DEPDC4: variants seen among roughly 807,000 people sequenced by gnomAD.
The protein encoded by DEPDC4 is DEP domain containing 4.
A neutral mutation model predicts 52.0 loss-of-function variants in DEPDC4; 52 were observed. That is an observed-to-expected ratio of 1.00 (90% CI 0.80 to 1.26). The LOEUF (loss-of-function observed/expected upper bound fraction) is 1.26. Among genes scored for constraint, DEPDC4 ranks in the 50% most tolerant of loss-of-function variants. The pLI is 0.00. For synonymous variants in DEPDC4, 201 were observed against 196.8 expected (o/e 1.02, Z -0.18); for missense variants, 530 against 546.9 (o/e 0.97, Z 0.31).
chr12:100,268,876 C>T (rs2135778115), upstream of DEPDC4, among the ~76,000 whole-genome samples: 1 of 152,328 alleles, frequency 6.6e-6, no homozygotes, highest in Non-Finnish European at 1.5e-5. Context: ...TGTCGTGCTT[C>T]ATACTCAGCC....
chr12:100,263,387 T>TC, intron 2 of DEPDC4, 110 bp downstream of exon 2: 1 of 908,750 alleles, frequency 1.1e-6, no homozygotes, highest in Admixed American at 3.3e-5. Flanking sequence ...CACATGGATT[T>TC]TTTTTTTTAA....
intron 8 of DEPDC4, among the ~76,000 whole-genome samples, chr12:100,245,369 C>A (rs1238887384): frequency 6.6e-6 from 1 of 152,114 alleles, no homozygotes; most frequent in Non-Finnish European, 1.5e-5. Flanking sequence ...CGGGTTCAAG[C>A]AATTCTCATG....
chr12:100,253,875 T>C (rs2096219760), intron 4 of DEPDC4, among the ~76,000 whole-genome samples, 160 bp from the exon 5 acceptor site: 2 of 152,190 alleles, frequency 1.3e-5, no homozygotes, highest in South Asian at 4.1e-4. Context: ...TTTTGCTGGA[T>C]GAGTGAAGGA....
intron 3 of DEPDC4, 83 bp from the exon 4 acceptor site, chr12:100,256,309 T>G (rs1378035208): frequency 1.9e-6 from 2 of 1,035,826 alleles, no homozygotes; most frequent in Non-Finnish European, 2.8e-6. Flanking sequence ...GTTCTATTTC[T>G]AAATAATACA....
At chr12:100,270,864 C>G (rs1383447841), upstream of DEPDC4, among the ~76,000 whole-genome samples, 1 of 151,360 alleles carries the variant, frequency 6.6e-6, no homozygotes, top group African/African-American at 2.4e-5. Context: ...TGTTTCTCCC[C>G]CTGCATTTAG....
intron 9 of DEPDC4, among the ~76,000 whole-genome samples, chr12:100,232,718 T>C (rs2096136418): frequency 6.6e-6 from 1 of 152,012 alleles, no homozygotes; most frequent in Admixed American, 6.6e-5. Flanking sequence ...ACCCCATCTC[T>C]ACTAAAAATA....
At chr12:100,238,288 C>G (rs1461986785), downstream of DEPDC4, among the ~76,000 whole-genome samples, 2 of 151,712 alleles carry the variant, frequency 1.3e-5, no homozygotes, top group Non-Finnish European at 2.9e-5. Context: ...CTGCCTCAGC[C>G]TCCCAAGTAG....
At chr12:100,273,471 C>A in the DEPDC4 span, among the ~76,000 whole-genome samples, 1 of 152,012 alleles carries the variant, frequency 6.6e-6, no homozygotes, top group African/African-American at 2.4e-5. Flanking sequence ...TTTTCATTTA[C>A]TTCCTTCCCA....
intron 7 of DEPDC4, among the ~76,000 whole-genome samples, chr12:100,250,304 C>T (rs1043192444): frequency 6.6e-6 from 1 of 152,180 alleles, no homozygotes; most frequent in Admixed American, 6.5e-5. Flanking sequence ...CAGCCTCCGC[C>T]TCCCGGGTTC....
chr12:100,253,710 T>C lies in DEPDC4; in HGVS notation c.884A>G (p.Asp295Gly). ...TTCAATTGCTGCATTAAGCCAGTTATCGATTCTAGAGGGAAAATGCAAACC... is the reference window on the plus strand; with the variant it reads ...TTCAATTGCTGCATTAAGCCAGTTACCGATTCTAGAGGGAAAATGCAAACC... ...LIPSLCLPEI[D>G]NWLNAAIECL... The change falls in exon 5 of 10, where the codon GAT becomes GGT. Residue 295 changes from aspartate (D) to glycine (G), a missense_variant. Asp to Gly is a moderately conservative substitution (Grantham distance 94). Coordinates refer to ENST00000550587, the MANE Select transcript of DEPDC4 (RefSeq NM_001364818.2). The C allele has an allele frequency of 7.8e-7, 1 of 1,287,384 alleles. No homozygotes were observed. Among genetic ancestry groups the C allele is most frequent in the Non-Finnish European group, 1.0e-6 (1 of 987,474 alleles). 79.7% of individuals were successfully genotyped at this position (1,287,384 alleles called of 1,614,324 possible).
intron 7 of DEPDC4, among the ~76,000 whole-genome samples, chr12:100,251,508 A>G (rs1197825822): frequency 2.0e-5 from 3 of 151,764 alleles, no homozygotes; most frequent in Non-Finnish European, 4.4e-5. Flanking sequence ...CATGGGCTCA[A>G]CTGACCCTCC....
At chr12:100,261,050 G>A (rs1035423631) in intron 3 of DEPDC4, among the ~76,000 whole-genome samples, 7 of 147,310 alleles carry the variant, frequency 4.8e-5, no homozygotes, top group Admixed American at 1.3e-4. Context: ...GTGTGGTGGC[G>A]GGCGCCTATA....
At chr12:100,260,868 C>A (rs539095001) in intron 3 of DEPDC4, among the ~76,000 whole-genome samples, 1 of 150,844 alleles carries the variant, frequency 6.6e-6, no homozygotes, top group South Asian at 2.1e-4. Flanking sequence ...TGCACTTCTG[C>A]CTGGGCGAAA....
chr12:100,279,884 G>C, the DEPDC4 span, among the ~76,000 whole-genome samples: 3 of 152,242 alleles, frequency 2.0e-5, no homozygotes, highest in East Asian at 3.9e-4. Flanking sequence ...CCAGGGAACA[G>C]AGCATGAAGG....
chr12:100,269,557 A>G (rs1192724755), upstream of DEPDC4, among the ~76,000 whole-genome samples: 2 of 152,178 alleles, frequency 1.3e-5, no homozygotes, highest in African/African-American at 4.8e-5. Flanking sequence ...CAAGAATTGT[A>G]CTAAACATTT....
the DEPDC4 span, among the ~76,000 whole-genome samples, chr12:100,281,570 A>C: frequency 1.3e-5 from 2 of 152,156 alleles, no homozygotes; most frequent in African/African-American, 4.8e-5. Context: ...GCTTTGGCTC[A>C]CGCCTGTAAT....
chr12:100,262,640 C>A (rs1670555838), intron 2 of DEPDC4, among the ~76,000 whole-genome samples: 1 of 152,150 alleles, frequency 6.6e-6, no homozygotes, highest in African/African-American at 2.4e-5. Flanking sequence ...CTAAGGTTAA[C>A]ATAGTTGTTA....
intron 7 of DEPDC4, among the ~76,000 whole-genome samples, chr12:100,250,581 GA>G: frequency 6.6e-6 from 1 of 151,860 alleles, no homozygotes; most frequent in African/African-American, 2.4e-5. Context: ...GTAGAAAGAT[GA>G]AAAAAAATCC....
At chr12:100,261,642 T>G in intron 3 of DEPDC4, 1 of 452,026 alleles carries the variant, frequency 2.2e-6, no homozygotes, top group South Asian at 1.6e-5. Flanking sequence ...TGTTTTCTCT[T>G]GCAGTGCAGA....
Sources: allele counts gnomAD v4.1 joint callset (sites outside exome capture counted in the v4.1 genomes callset), GRCh38; gene constraint gnomAD v4.1.1; transcripts MANE v1.5; gene names NCBI Gene and HGNC (gene_info 2026-07-23, HGNC 2026-07-21).